Variants in LPGAT1 observed in about 807,000 individuals in gnomAD.
LPGAT1 encodes the protein acyl-CoA:lysophosphatidylglycerol acyltransferase 1.
LPGAT1 carries 11 observed loss-of-function variants against 47.5 expected under a neutral mutation model. The observed-to-expected ratio is 0.23, with a 90% CI of 0.15 to 0.38. LPGAT1 has a LOEUF of 0.38. LPGAT1 is among the 10% of genes least tolerant of loss of function. The probability of loss-of-function intolerance (pLI) is 1.00; values close to 1 mark genes in which losing one functional copy is unlikely to be tolerated. For synonymous variants in LPGAT1, 138 were observed against 144.2 expected (o/e 0.96, Z 0.31); for missense variants, 293 against 439.0 (o/e 0.67, Z 2.97).
At chr1:211,775,845 C>T (rs542313804) in intron 6 of LPGAT1, among the ~76,000 whole-genome samples, 62 of 150,642 alleles carry the variant, frequency 4.1e-4, no homozygotes, top group African/African-American at 1.5e-3. Flanking sequence ...GCAGGAGAAT[C>T]GCTTGAACCT....
intron 6 of LPGAT1, among the ~76,000 whole-genome samples, chr1:211,760,444 A>G (rs945924852): frequency 6.6e-6 from 1 of 152,184 alleles, no homozygotes; most frequent in African/African-American, 2.4e-5. Context: ...AACAATAGCA[A>G]AACTCCGTCC....
chr1:211,775,897 C>T (rs906658962), intron 6 of LPGAT1, among the ~76,000 whole-genome samples: 2 of 148,906 alleles, frequency 1.3e-5, no homozygotes, highest in Non-Finnish European at 3.0e-5. Context: ...CACCATTGCA[C>T]TCCAGCCTGG....
intron 6 of LPGAT1, among the ~76,000 whole-genome samples, chr1:211,765,945 G>A (rs961870339): frequency 6.6e-6 from 1 of 152,036 alleles, no homozygotes; most frequent in Admixed American, 6.6e-5. Context: ...CCCGCAATGT[G>A]GGAAGGCAAC....
intron 6 of LPGAT1, among the ~76,000 whole-genome samples, chr1:211,776,335 G>C (rs1197995440): frequency 6.6e-6 from 1 of 152,030 alleles, no homozygotes; most frequent in Non-Finnish European, 1.5e-5. Flanking sequence ...TCAGGAGTTC[G>C]AGACCAGCCT....
intron 6 of LPGAT1, among the ~76,000 whole-genome samples, chr1:211,777,030 T>G (rs1658432192): frequency 7.8e-6 from 1 of 128,030 alleles, no homozygotes; most frequent in African/African-American, 3.6e-5. Flanking sequence ...TTTAAAAAAT[T>G]TTATTGAAAC....
chr1:211,800,884 C>A (rs909182896), intron 2 of LPGAT1, among the ~76,000 whole-genome samples: 1 of 152,176 alleles, frequency 6.6e-6, no homozygotes, highest in African/African-American at 2.4e-5. Flanking sequence ...TTCCCTTCAC[C>A]CACTAAGCTC....
intron 1 of LPGAT1, 142 bp from the exon 2 acceptor site, chr1:211,829,465 G>A: frequency 6.9e-7 from 1 of 1,443,288 alleles, no homozygotes; most frequent in African/African-American, 1.4e-5. Flanking sequence ...TGATCTCTCA[G>A]GGGAAATTCC....
intron 2 of LPGAT1, among the ~76,000 whole-genome samples, chr1:211,822,270 A>T (rs1660388246): frequency 6.6e-6 from 1 of 152,240 alleles, no homozygotes; most frequent in South Asian, 2.1e-4. Context: ...CAAAATAAGT[A>T]TCTAAAATAA....
chr1:211,830,503 G>A lies in LPGAT1; in HGVS notation c.-28+70C>T. ...ACGCGACGACGACACCCCCTTCCCC[G>A]CCCCCAGCGCCTCCCCTGGCCCGGC... On this transcript the variant is annotated intron_variant, in intron 1 of 7. Coordinates refer to ENST00000366997, the MANE Select transcript of LPGAT1 (RefSeq NM_014873.3). This position sits in a 1 kb window ranked among gnomAD's most constrained non-coding sequence, Gnocchi z 5.9. 2.5e-6 allele frequency: 3 copies of A among 1,188,626 alleles called. No individual in the cohort carries two copies. The highest frequency in any genetic ancestry group is 3.1e-6 in the Non-Finnish European group (3 of 959,128). 73.6% of individuals were successfully genotyped at this position (1,188,626 alleles called of 1,614,324 possible).
chr1:211,787,361 G>C (rs1310091204), intron 4 of LPGAT1, among the ~76,000 whole-genome samples: 1 of 151,928 alleles, frequency 6.6e-6, no homozygotes, highest in African/African-American at 2.4e-5. Context: ...GTAGTGGCAT[G>C]CCTATAGTCC....
At chr1:211,758,885 A>G (rs1004494461) in intron 6 of LPGAT1, among the ~76,000 whole-genome samples, 2 of 152,068 alleles carry the variant, frequency 1.3e-5, no homozygotes, top group Admixed American at 6.5e-5. Context: ...TCTATTTCCA[A>G]TTTGCTAAGA....
In LPGAT1 at chr1:211,827,576, C is replaced by T. The variant is rs140352814; in HGVS notation, c.238+1483G>A. On this transcript the variant is annotated intron_variant, in intron 2 of 7. Transcript: ENST00000366997. ...TATAAGCTAATTTAAAACAAGCAAA[C>T]TTAAGTATACTATACAAGAATAAAG... 3.9e-5 allele frequency among the ~76,000 whole-genome samples: 6 copies of T among 152,312 alleles called. No homozygotes were observed. The East Asian group carries it at 1.2e-3, about 29-fold the overall frequency.
intron 6 of LPGAT1, among the ~76,000 whole-genome samples, chr1:211,752,612 C>T (rs1657247765): frequency 6.6e-6 from 1 of 152,206 alleles, no homozygotes; most frequent in Non-Finnish European, 1.5e-5. Flanking sequence ...ACGACAGTTA[C>T]ACCTTCGGTG....
chr1:211,755,607 A>G (rs1260229191), intron 6 of LPGAT1, among the ~76,000 whole-genome samples: 1 of 151,720 alleles, frequency 6.6e-6, no homozygotes, highest in Admixed American at 6.6e-5. Context: ...TTAAAAACCA[A>G]TTTGAAAATC....
At chr1:211,825,769 G>A (rs1208518980) in intron 2 of LPGAT1, among the ~76,000 whole-genome samples, 1 of 152,188 alleles carries the variant, frequency 6.6e-6, no homozygotes, top group African/African-American at 2.4e-5. Context: ...GACCAGCCTG[G>A]CCAACATAGT....
chr1:211,820,407 A>G lies in LPGAT1; in HGVS notation c.238+8652T>C, dbSNP rs1490837408. Among the ~76,000 whole-genome samples, 2 of 152,298 alleles carry G rather than the reference A, an allele frequency of 1.3e-5. 1 individual carries two copies. The highest frequency in any genetic ancestry group is 3.9e-4 in the East Asian group (2 of 5,186). ...AGAAGACAAAAATTATAACTGAATA[A>G]TTTTGCTTGATTTTAAGAAAATCAG... On this transcript the variant is annotated intron_variant, in intron 2 of 7. Coordinates refer to ENST00000366997, the MANE Select transcript of LPGAT1 (RefSeq NM_014873.3).
chr1:211,783,128 T>A (rs1028383540), intron 5 of LPGAT1, 101 bp downstream of exon 5: 1 of 1,128,204 alleles, frequency 8.9e-7, no homozygotes. Context: ...CTATTATTTT[T>A]AACAAAAATT....
In LPGAT1 at chr1:211,749,513, T is replaced by C. The variant is rs907555131; in HGVS notation, c.*386A>G. ...TGGGCGTTCTAGAGAACTGCCCTAA[T>C]ATAGACTACAGCTAAGAGGGATGAA... On this transcript the variant is annotated 3_prime_UTR_variant, in exon 8 of 8. Coordinates refer to ENST00000366997, the MANE Select transcript of LPGAT1 (RefSeq NM_014873.3). 4.7e-6 allele frequency: 1 copy of C among 213,730 alleles called. No homozygotes were observed. The allele number at this position is 213,730 out of a possible 1,614,324, so 13.2% of individuals were successfully genotyped here.
intron 6 of LPGAT1, among the ~76,000 whole-genome samples, chr1:211,760,508 T>C (rs1657652656): frequency 6.6e-6 from 1 of 152,106 alleles, no homozygotes; most frequent in African/African-American, 2.4e-5. Context: ...ATTTCAACAT[T>C]AATCTTCATT....
Sources: gnomAD v4.1 joint callset for allele counts (sites outside exome capture counted in the v4.1 genomes callset) on GRCh38, gnomAD v4.1.1 for gene constraint, Gnocchi (gnomAD v3.1) non-coding constraint, MANE v1.5 for transcripts, NCBI Gene and HGNC (gene_info 2026-07-23, HGNC 2026-07-21) for gene names.